The following NR6A1 variants were observed in gnomAD, a reference collection of about 807,000 sequenced individuals.
NR6A1 encodes retinoic acid receptor-related testis-associated receptor.
A neutral mutation model predicts 59.1 loss-of-function variants in NR6A1; 7 were observed. That is an observed-to-expected ratio of 0.12 (90% CI 0.07 to 0.22). The LOEUF (loss-of-function observed/expected upper bound fraction) is 0.22, where lower values mean the gene tolerates loss of function less well. Among genes scored for constraint, NR6A1 ranks in the 10% least tolerant of loss-of-function variants. The probability of loss-of-function intolerance (pLI) is 1.00; values close to 1 mark genes in which losing one functional copy is unlikely to be tolerated. For synonymous variants in NR6A1, 243 were observed against 236.1 expected, an observed-to-expected ratio of 1.03 and a Z score of -0.27; for missense variants, 468 against 611.6, an observed-to-expected ratio of 0.77 and a Z score of 2.48.
At chr9:124,751,496 A>G (rs1840497905) in intron 1 of NR6A1, among the ~76,000 whole-genome samples, 1 of 152,248 alleles carries the variant, frequency 6.6e-6, no homozygotes, top group African/African-American at 2.4e-5. Context: ...GCATGCTGAC[A>G]AACCTCCTTA....
chr9:124,654,205 C>A (rs553550044), intron 2 of NR6A1, among the ~76,000 whole-genome samples: 17 of 152,256 alleles, frequency 1.1e-4, no homozygotes, highest in African/African-American at 3.4e-4. Context: ...TTGGGAGGAA[C>A]CCCAGTTAAA....
intron 2 of NR6A1, among the ~76,000 whole-genome samples, chr9:124,616,282 A>G (rs1413378759): frequency 6.6e-6 from 1 of 151,708 alleles, no homozygotes; most frequent in Non-Finnish European, 1.5e-5. Flanking sequence ...CATGCCTGTA[A>G]TCCCAAGCTA....
intron 2 of NR6A1, among the ~76,000 whole-genome samples, chr9:124,730,335 C>G (rs1228639989): frequency 6.6e-6 from 1 of 152,104 alleles, no homozygotes; most frequent in East Asian, 1.9e-4. Context: ...TTAAGCAATC[C>G]TCCCACCTCA....
intron 2 of NR6A1, among the ~76,000 whole-genome samples, chr9:124,727,999 ATTTTTT>A (rs1839773540): frequency 6.7e-6 from 1 of 149,290 alleles, no homozygotes; most frequent in Non-Finnish European, 1.5e-5. Flanking sequence ...CTTCATTTTT[ATTTTTT>A]ATTTTTATTT....
At position 124,683,886 on chromosome 9, in the gene NR6A1, G is replaced by A. The variant is rs868072861; in HGVS notation, c.142+49422C>T. Among the ~76,000 whole-genome samples the A allele has an allele frequency of 1.1e-4, 17 of 152,238 alleles. 1 individual carries two copies. Among genetic ancestry groups the A allele is most frequent in the Middle Eastern group, 3.4e-3 (1 of 294 alleles). On this transcript the variant is annotated intron_variant, in intron 2 of 9. Transcript: ENST00000487099. Reference sequence around the variant, plus strand: ...TTAAACCACTTGCCAAAAGTCACACGGCTACTAAATGGCAGAACCAGGATT... The same window carrying A: ...TTAAACCACTTGCCAAAAGTCACACAGCTACTAAATGGCAGAACCAGGATT...
intron 2 of NR6A1, among the ~76,000 whole-genome samples, chr9:124,698,844 A>G (rs1250139867): frequency 3.9e-5 from 6 of 152,274 alleles, no homozygotes; most frequent in South Asian, 4.1e-4. Flanking sequence ...CACAGAACCC[A>G]TGAACTTACA....
At chr9:124,535,719 C>T (rs187895128) in intron 7 of NR6A1, among the ~76,000 whole-genome samples, 159 bp downstream of exon 7, 1 of 152,324 alleles carries the variant, frequency 6.6e-6, no homozygotes, top group Non-Finnish European at 1.5e-5. Context: ...GGATCAGAGA[C>T]TTGGCCAAGG....
At chr9:124,580,734 C>T (rs773245764) in intron 2 of NR6A1, among the ~76,000 whole-genome samples, 25 of 152,174 alleles carry the variant, frequency 1.6e-4, no homozygotes, top group Non-Finnish European at 2.8e-4. Flanking sequence ...GCAGGAGAAT[C>T]GCTTGAACCC....
chr9:124,612,793 TTTTCTTTC>T (rs72252917), intron 2 of NR6A1, among the ~76,000 whole-genome samples: 52 of 145,576 alleles, frequency 3.6e-4, no homozygotes, highest in East Asian at 5.9e-4. Context: ...TCTTTCTTTC[TTTTCTTTC>T]TTTCTTTCTT....
At chr9:124,614,191 G>A (rs1422065852) in intron 2 of NR6A1, among the ~76,000 whole-genome samples, 1 of 152,154 alleles carries the variant, frequency 6.6e-6, no homozygotes, top group East Asian at 1.9e-4. Flanking sequence ...GAGGGAGAGG[G>A]CTATGCAGAG....
chr9:124,726,746 C>A (rs1438350955), intron 2 of NR6A1, among the ~76,000 whole-genome samples: 3 of 152,214 alleles, frequency 2.0e-5, no homozygotes, highest in South Asian at 2.1e-4. Context: ...GTCATCCATA[C>A]ACTAAAGCCT....
intron 2 of NR6A1, among the ~76,000 whole-genome samples, chr9:124,593,277 C>G (rs1195005103): frequency 1.3e-5 from 2 of 152,216 alleles, no homozygotes; most frequent in African/African-American, 4.8e-5. Flanking sequence ...TTTCGAGAGC[C>G]AATACCAGCT....
intron 2 of NR6A1, among the ~76,000 whole-genome samples, chr9:124,560,625 A>G (rs1431066522): frequency 2.0e-5 from 3 of 152,114 alleles, no homozygotes; most frequent in African/African-American, 4.8e-5. Context: ...CAATGGCCCA[A>G]TCTCGGCTCA....
At chr9:124,574,384 C>T (rs1242097668) in intron 2 of NR6A1, among the ~76,000 whole-genome samples, 1 of 152,154 alleles carries the variant, frequency 6.6e-6, no homozygotes, top group African/African-American at 2.4e-5. Flanking sequence ...TTAGTCTTAA[C>T]TATAATATTA....
At chr9:124,688,775 T>A (rs1838424362) in intron 2 of NR6A1, among the ~76,000 whole-genome samples, 1 of 152,194 alleles carries the variant, frequency 6.6e-6, no homozygotes, top group African/African-American at 2.4e-5. Flanking sequence ...GATAAATGAG[T>A]TCCTGGATTC....
In NR6A1 at chr9:124,526,822, G is replaced by C. The variant is rs868142328; in HGVS notation, c.1158C>G (p.Asn386Lys). 6.2e-7 allele frequency: 1 copy of C among 1,614,064 alleles called. No homozygotes were observed. The highest frequency in any genetic ancestry group is 1.1e-5 in the South Asian group (1 of 91,078). ...YHKFHQLKVS[N>K]EEYACMKAIN... is the part of the protein sequence containing the mutation. ...TTGCTTTCATGCAAGCATACTCCTC[G>C]TTGCTGACCTTTAGCTGATGGAACT... Residue 386 changes from asparagine (N) to lysine (K), a missense_variant, in exon 8 of 10, where the codon AAC becomes AAG. Coordinates refer to ENST00000487099, the MANE Select transcript of NR6A1 (RefSeq NM_033334.4).
intron 2 of NR6A1, among the ~76,000 whole-genome samples, chr9:124,718,802 CCTT>C (rs1345546632): frequency 8.0e-5 from 9 of 112,306 alleles, no homozygotes; most frequent in East Asian, 5.9e-4. Flanking sequence ...TAAATTGTTA[CCTT>C]TTTTTTTTTT....
chr9:124,586,940 T>C (rs540426437), intron 2 of NR6A1, among the ~76,000 whole-genome samples: 4 of 152,354 alleles, frequency 2.6e-5, no homozygotes, highest in South Asian at 2.1e-4. Context: ...AAAGAGGTTC[T>C]ACTGTGAATA....
intron 2 of NR6A1, among the ~76,000 whole-genome samples, chr9:124,661,297 G>A (rs1837424121): frequency 6.6e-6 from 1 of 152,172 alleles, no homozygotes; most frequent in Non-Finnish European, 1.5e-5. Flanking sequence ...GTGAATGAGG[G>A]AGAGATACTT....
Sources: gnomAD v4.1 joint callset for allele counts (sites outside exome capture counted in the v4.1 genomes callset) on GRCh38, gnomAD v4.1.1 for gene constraint, MANE v1.5 for transcripts, NCBI Gene and HGNC (gene_info 2026-07-23, HGNC 2026-07-21) for gene names.